PITPNC1: variants seen among roughly 807,000 people sequenced by gnomAD.
PITPNC1 encodes cytoplasmic phosphatidylinositol transfer protein 1.
PITPNC1 carries 18 observed loss-of-function variants against 44.7 expected under a neutral mutation model. That is an observed-to-expected ratio of 0.40 (90% CI 0.28 to 0.60). The LOEUF (loss-of-function observed/expected upper bound fraction) is 0.60, where lower values mean the gene tolerates loss of function less well. PITPNC1 is among the 20% of genes least tolerant of loss of function. The probability of loss-of-function intolerance (pLI) is 0.39; values close to 1 mark genes in which losing one functional copy is unlikely to be tolerated. For synonymous variants in PITPNC1, 141 were observed against 149.6 expected, an observed-to-expected ratio of 0.94 and a Z score of 0.42; for missense variants, 290 against 418.4, an observed-to-expected ratio of 0.69 and a Z score of 2.68.
intron 5 of PITPNC1, among the ~76,000 whole-genome samples, chr17:67,628,704 G>A (rs954215881): frequency 3.3e-5 from 5 of 152,142 alleles, no homozygotes; most frequent in African/African-American, 4.8e-5. Context: ...GAGAGAGTCG[G>A]GGCACGCTGC....
chr17:67,675,017 A>AG (rs2042578385), intron 7 of PITPNC1, among the ~76,000 whole-genome samples: 1 of 151,886 alleles, frequency 6.6e-6, no homozygotes, highest in Admixed American at 6.6e-5. Flanking sequence ...TCTCAAAAAA[A>AG]AAAAAAAAAA....
chr17:67,501,784 G>C (rs985201590), intron 1 of PITPNC1, among the ~76,000 whole-genome samples: 9 of 151,882 alleles, frequency 5.9e-5, no homozygotes, highest in Non-Finnish European at 1.3e-4. Context: ...AGTGAGCCAA[G>C]ACTGTGCCAT....
chr17:67,461,517 G>A (rs975602724), intron 1 of PITPNC1, among the ~76,000 whole-genome samples: 15 of 152,194 alleles, frequency 9.9e-5, no homozygotes, highest in Non-Finnish European at 1.6e-4. Context: ...AACCCATCCC[G>A]TTGTGTTGGA....
At chr17:67,634,609 C>T (rs530278393) in intron 6 of PITPNC1, among the ~76,000 whole-genome samples, 11 of 152,192 alleles carry the variant, frequency 7.2e-5, no homozygotes, top group East Asian at 1.9e-4. Context: ...ACAAATACCA[C>T]GCAGAGAGTA....
At chr17:67,605,039 A>G in intron 5 of PITPNC1, among the ~76,000 whole-genome samples, 1 of 152,160 alleles carries the variant, frequency 6.6e-6, no homozygotes, top group East Asian at 1.9e-4. Context: ...AAATCGCGCC[A>G]TTGCACTCCA....
chr17:67,385,747 G>GT (rs11284565), intron 1 of PITPNC1, among the ~76,000 whole-genome samples: 55 of 149,594 alleles, frequency 3.7e-4, no homozygotes, highest in East Asian at 2.4e-3. Context: ...CAAAGCTCCG[G>GT]TTTTTTTTTT....
Position 67,509,563 on chromosome 17 carries a change from T to A in PITPNC1, c.49-23239T>A, listed in dbSNP as rs868746341. Reference sequence around the variant, plus strand: ...AAATTAAATTAAATTGAATTAAAAATAAATAAATAAATAAATAAATAAATA... The same window carrying A: ...AAATTAAATTAAATTGAATTAAAAAAAAATAAATAAATAAATAAATAAATA... On this transcript the variant is annotated intron_variant, in intron 1 of 8. Transcript: ENST00000581322. Among the ~76,000 whole-genome samples the A allele has an allele frequency of 5.5e-3, 694 of 126,424 alleles. 10 individuals carry two copies. The highest frequency in any genetic ancestry group is 0.022 in the African/African-American group (670 of 30,564). The allele number at this position is 126,424 out of a possible 152,430, so 82.9% of individuals were successfully genotyped here. A position where few individuals can be genotyped will look rare whatever the true frequency, so the allele number is the denominator to read the frequency against.
intron 1 of PITPNC1, among the ~76,000 whole-genome samples, chr17:67,498,544 CTT>C (rs1482816258): frequency 1.3e-5 from 2 of 152,158 alleles, no homozygotes; most frequent in Admixed American, 6.5e-5. Context: ...GTTTTCAACT[CTT>C]TTGGGTATAT....
chr17:67,542,340 C>T (rs1039884706), intron 2 of PITPNC1, among the ~76,000 whole-genome samples: 2 of 151,950 alleles, frequency 1.3e-5, no homozygotes, highest in African/African-American at 2.4e-5. Context: ...AGATAAATCC[C>T]CATCATCATA....
intron 5 of PITPNC1, among the ~76,000 whole-genome samples, chr17:67,603,939 A>T (rs1407588589): frequency 1.3e-5 from 2 of 149,910 alleles, no homozygotes; most frequent in Admixed American, 1.3e-4. Flanking sequence ...TGTCTCATAG[A>T]TTTAAAAAAA....
At chr17:67,629,266 G>GTGT (rs1555574240) in intron 5 of PITPNC1, among the ~76,000 whole-genome samples, 3 of 150,392 alleles carry the variant, frequency 2.0e-5, no homozygotes, top group Non-Finnish European at 4.4e-5. Context: ...GTGTGTGTGT[G>GTGT]GTTTTTGTTG....
chr17:67,567,078 T>C (rs560927923), intron 4 of PITPNC1, among the ~76,000 whole-genome samples: 13 of 152,366 alleles, frequency 8.5e-5, no homozygotes, highest in African/African-American at 2.9e-4. Context: ...GGTATAACAC[T>C]ATTGTCATTA....
chr17:67,444,308 G>A (rs1031420800), intron 1 of PITPNC1, among the ~76,000 whole-genome samples: 12 of 152,090 alleles, frequency 7.9e-5, no homozygotes, highest in African/African-American at 2.4e-4. Flanking sequence ...GGAAGCTCTT[G>A]GAAGCAAGTT....
intron 1 of PITPNC1, among the ~76,000 whole-genome samples, chr17:67,451,298 C>G (rs2039171977): frequency 6.6e-6 from 1 of 152,080 alleles, no homozygotes; most frequent in Admixed American, 6.5e-5. Flanking sequence ...TCCCAGACTG[C>G]TAAGATTACA....
chr17:67,511,449 T>C (rs1172943216), intron 1 of PITPNC1, among the ~76,000 whole-genome samples: 1 of 152,186 alleles, frequency 6.6e-6, no homozygotes, highest in Non-Finnish European at 1.5e-5. Flanking sequence ...CTTAACCATT[T>C]TGTTCTTCCA....
chr17:67,675,903 GACA>G (rs1342998871), intron 8 of PITPNC1, among the ~76,000 whole-genome samples: 2 of 152,162 alleles, frequency 1.3e-5, no homozygotes, highest in Admixed American at 6.5e-5. Context: ...CTTTGATTCA[GACA>G]ACATTTGAAA....
intron 1 of PITPNC1, among the ~76,000 whole-genome samples, chr17:67,404,473 C>T (rs1431937741): frequency 6.6e-6 from 1 of 151,998 alleles, no homozygotes; most frequent in Non-Finnish European, 1.5e-5. Flanking sequence ...GTAATAGAAC[C>T]TAGATGAGAA....
At chr17:67,431,165 T>A (rs1301125844) in intron 1 of PITPNC1, among the ~76,000 whole-genome samples, 1 of 151,172 alleles carries the variant, frequency 6.6e-6, no homozygotes, top group East Asian at 2.0e-4. Flanking sequence ...TTCAAGCGAT[T>A]CTCATGCTTC....
chr17:67,632,766 C>T (rs2144334862), intron 6 of PITPNC1, among the ~76,000 whole-genome samples: 1 of 152,132 alleles, frequency 6.6e-6, no homozygotes, highest in East Asian at 1.9e-4. Flanking sequence ...TGGGGTTTCA[C>T]CCTGTTGGCC....
Sources: gnomAD v4.1 joint callset for allele counts (sites outside exome capture counted in the v4.1 genomes callset) on GRCh38, gnomAD v4.1.1 for gene constraint, MANE v1.5 for transcripts, NCBI Gene and HGNC (gene_info 2026-07-23, HGNC 2026-07-21) for gene names.